Variants in FNBP1 observed in about 807,000 individuals in gnomAD.
FNBP1 encodes the protein formin-binding protein 1.
Under a neutral mutation model 90.6 loss-of-function variants are expected in FNBP1, and 26 were observed. The ratio of observed to expected loss-of-function variants is 0.29; its 90% CI spans 0.21 to 0.40. The LOEUF is 0.40. Among genes scored for constraint, FNBP1 ranks in the 10% least tolerant of loss-of-function variants. FNBP1 has a pLI of 1.00. For synonymous variants in FNBP1, 260 were observed against 265.2 expected, an observed-to-expected ratio of 0.98 and a Z score of 0.19; for missense variants, 635 against 768.0, an observed-to-expected ratio of 0.83 and a Z score of 2.05.
At chr9:129,893,888 C>T (rs1016244161) in intron 16 of FNBP1, among the ~76,000 whole-genome samples, 24 of 143,464 alleles carry the variant, frequency 1.7e-4, no homozygotes, top group Admixed American at 7.2e-5. Flanking sequence ...CGCACTCCAT[C>T]CTGGCGACAG....
the FNBP1 span, among the ~76,000 whole-genome samples, chr9:130,048,925 C>T: frequency 1.3e-5 from 2 of 151,834 alleles, no homozygotes; most frequent in Non-Finnish European, 1.5e-5. Context: ...GGACTACAGG[C>T]GCCCGCCACC....
At chr9:130,011,024 A>G (rs2056487830) in intron 1 of FNBP1, among the ~76,000 whole-genome samples, 1 of 150,430 alleles carries the variant, frequency 6.6e-6, no homozygotes, top group South Asian at 2.1e-4. Flanking sequence ...GCCAAGCCAA[A>G]CAGACAGCAG....
At chr9:130,053,006 C>T in the FNBP1 span, among the ~76,000 whole-genome samples, 4 of 152,038 alleles carry the variant, frequency 2.6e-5, no homozygotes, top group African/African-American at 7.2e-5. Flanking sequence ...ATTCTAGTTA[C>T]TCCAGAGGCT....
intron 10 of FNBP1, 99 bp from the exon 11 acceptor site, chr9:129,916,079 C>A: frequency 2.5e-6 from 2 of 802,398 alleles, no homozygotes; most frequent in South Asian, 1.5e-5. Context: ...GGAACTTGGT[C>A]AGTTCCGCCA....
Position 129,888,250 on chromosome 9 carries a change from T to C in FNBP1, c.*2289A>G, listed in dbSNP as rs7028381. 231,951 of 232,232 alleles carry C rather than the reference T, an allele frequency of 1. 115,835 individuals are homozygous for C. Among genetic ancestry groups the C allele is most frequent in the Middle Eastern group, 1 (780 of 780 alleles). The allele number at this position is 232,232 out of a possible 1,614,324, so 14.4% of individuals were successfully genotyped here. A position where few individuals can be genotyped will look rare whatever the true frequency, so the allele number is the denominator to read the frequency against. Reference sequence around the variant, plus strand: ...ATCCTGACCCATAATATGAAAGATGTGACGCACATGCATTCCCGAGGCTCT... The same window carrying C: ...ATCCTGACCCATAATATGAAAGATGCGACGCACATGCATTCCCGAGGCTCT... On this transcript the variant is annotated 3_prime_UTR_variant, in exon 17 of 17. Coordinates refer to ENST00000446176, the MANE Select transcript of FNBP1 (RefSeq NM_015033.3).
At chr9:130,044,975 G>A (rs2060048672), upstream of FNBP1, 1 of 151,870 alleles carries the variant, frequency 6.6e-6, no homozygotes, top group Admixed American at 6.6e-5. Context: ...AAATTAAGAG[G>A]TGGAGCTACT....
At chr9:129,958,458 A>T (rs747739105) in intron 5 of FNBP1, 33 bp downstream of exon 5, 1 of 1,535,922 alleles carries the variant, frequency 6.5e-7, no homozygotes, top group South Asian at 1.2e-5. Flanking sequence ...AAATCTATAA[A>T]GCCGTTTCTT....
intron 1 of FNBP1, among the ~76,000 whole-genome samples, chr9:129,995,452 C>G (rs991472262): frequency 5.3e-5 from 8 of 152,060 alleles, no homozygotes; most frequent in Non-Finnish European, 1.0e-4. Context: ...TACACCAAAC[C>G]CACACTGTGA....
In FNBP1 at chr9:129,968,161, G is replaced by A. The variant is rs184588348; in HGVS notation, c.346-9608C>T. On this transcript the variant is annotated intron_variant, in intron 4 of 16. Transcript: ENST00000446176. ...TGTAATCCCAGCACTTTGGGAGGCC[G>A]AGGCAGGCAGATCACCTGAGGTCAG... Among the ~76,000 whole-genome samples the A allele has an allele frequency of 3.0e-3, 457 of 152,188 alleles. 3 individuals are homozygous for A. Among genetic ancestry groups the A allele is most frequent in the Non-Finnish European group, 4.9e-3 (330 of 67,992 alleles).
At chr9:130,017,220 G>A (rs1214542727) in intron 1 of FNBP1, among the ~76,000 whole-genome samples, 3 of 152,120 alleles carry the variant, frequency 2.0e-5, no homozygotes, top group African/African-American at 7.2e-5. Context: ...TCTAGTACAT[G>A]GCTGCCTTCC....
the FNBP1 span, chr9:130,053,283 T>C: frequency 5.3e-5 from 8 of 152,160 alleles, no homozygotes; most frequent in African/African-American, 1.9e-4. Flanking sequence ...CTGGAGCAAA[T>C]GACTTATTTC....
At chr9:129,975,910 A>G (rs1443046217) in intron 4 of FNBP1, among the ~76,000 whole-genome samples, 1 of 150,064 alleles carries the variant, frequency 6.7e-6, no homozygotes, top group African/African-American at 2.5e-5. Context: ...CTTAAAAAAA[A>G]AAAAAAAAAA....
intron 13 of FNBP1, among the ~76,000 whole-genome samples, chr9:129,902,440 A>C (rs926171384): frequency 1.3e-5 from 2 of 152,094 alleles, no homozygotes; most frequent in Non-Finnish European, 2.9e-5. Context: ...TCTAAAACAA[A>C]TAAAAAATTG....
At chr9:130,014,282 T>G (rs1401332755) in intron 1 of FNBP1, among the ~76,000 whole-genome samples, 2 of 151,120 alleles carry the variant, frequency 1.3e-5, no homozygotes, top group Non-Finnish European at 3.0e-5. Flanking sequence ...GACGGAGTCT[T>G]GCTGTGCCGC....
intron 2 of FNBP1, among the ~76,000 whole-genome samples, chr9:129,991,689 T>C (rs1485314219): frequency 6.6e-6 from 1 of 151,020 alleles, no homozygotes; most frequent in East Asian, 1.9e-4. Flanking sequence ...AGATGGCGTC[T>C]CACTCTGTCG....
chr9:130,043,264 G>A, upstream of FNBP1: 1 of 258,294 alleles, frequency 3.9e-6, no homozygotes. Flanking sequence ...GGGCCGGTCT[G>A]ACAGCTCGCG....
chr9:130,030,992 A>C (rs1219554690), intron 1 of FNBP1, among the ~76,000 whole-genome samples: 1 of 152,120 alleles, frequency 6.6e-6, no homozygotes, highest in East Asian at 1.9e-4. Context: ...CCTGTGGCCT[A>C]TATTTGATTT....
chr9:130,014,441 G>A (rs1177710793), intron 1 of FNBP1, among the ~76,000 whole-genome samples: 2 of 151,668 alleles, frequency 1.3e-5, no homozygotes, highest in Non-Finnish European at 2.9e-5. Flanking sequence ...TAGTAGAGAT[G>A]GGGTTTTGCC....
chr9:129,997,032 A>G (rs1388212270), intron 1 of FNBP1, among the ~76,000 whole-genome samples: 1 of 151,348 alleles, frequency 6.6e-6, no homozygotes, highest in Non-Finnish European at 1.5e-5. Flanking sequence ...TTAAGGTATG[A>G]CTGAGATTTT....
Sources: gnomAD v4.1 joint callset for allele counts (sites outside exome capture counted in the v4.1 genomes callset) on GRCh38, gnomAD v4.1.1 for gene constraint, MANE v1.5 for transcripts, NCBI Gene and HGNC (gene_info 2026-07-23, HGNC 2026-07-21) for gene names.